MICU1: variants seen among roughly 807,000 people sequenced by gnomAD.
MICU1 encodes the protein mitochondrial calcium uptake 1, also known as calcium uptake protein 1, mitochondrial.
A neutral mutation model predicts 56.8 loss-of-function variants in MICU1; 45 were observed. The ratio of observed to expected loss-of-function variants is 0.79; its 90% CI spans 0.62 to 1.02. The LOEUF (loss-of-function observed/expected upper bound fraction) is 1.02. MICU1 is among the 50% of genes least tolerant of loss of function. The pLI, the probability that MICU1 is intolerant of heterozygous loss-of-function variation, is 0.00. For synonymous variants in MICU1, 186 were observed against 195.1 expected (o/e 0.95, Z 0.39); for missense variants, 504 against 587.1 (o/e 0.86, Z 1.46).
At chr10:72,610,295 T>C (rs1334592011) in intron 1 of MICU1, among the ~76,000 whole-genome samples, 1 of 151,664 alleles carries the variant, frequency 6.6e-6, no homozygotes, top group African/African-American at 2.4e-5. Context: ...GTAAATTTTA[T>C]GTTATATATA....
At chr10:72,431,498 A>G (rs949307208) in intron 8 of MICU1, among the ~76,000 whole-genome samples, 4 of 152,164 alleles carry the variant, frequency 2.6e-5, no homozygotes, top group Non-Finnish European at 5.9e-5. Context: ...TTTTGCTATT[A>G]GGAACAATGC....
At chr10:72,433,090 A>G (rs1864596061) in intron 8 of MICU1, among the ~76,000 whole-genome samples, 1 of 151,878 alleles carries the variant, frequency 6.6e-6, no homozygotes, top group South Asian at 2.1e-4. Context: ...GGTCTGCACC[A>G]CCATGCCCAG....
intron 1 of MICU1, among the ~76,000 whole-genome samples, chr10:72,608,307 A>T (rs1841747856): frequency 6.6e-6 from 1 of 152,204 alleles, no homozygotes; most frequent in East Asian, 1.9e-4. Context: ...CCTAGCCTCA[A>T]GTGATCCACC....
chr10:72,442,566 G>A (rs185671215), intron 8 of MICU1, among the ~76,000 whole-genome samples: 3 of 152,256 alleles, frequency 2.0e-5, no homozygotes, highest in South Asian at 2.1e-4. Context: ...TCTAAAAGAC[G>A]ACTTGTTTTA....
At chr10:72,602,519 G>C (rs1315220426) in intron 1 of MICU1, among the ~76,000 whole-genome samples, 1 of 151,950 alleles carries the variant, frequency 6.6e-6, no homozygotes, top group Non-Finnish European at 1.5e-5. Context: ...TTTATGATTT[G>C]CTAATCATGT....
intron 10 of MICU1, among the ~76,000 whole-genome samples, chr10:72,382,387 C>G (rs946612437): frequency 2.0e-5 from 3 of 151,482 alleles, no homozygotes; most frequent in Admixed American, 6.6e-5. Context: ...GCTGGGATTA[C>G]AGGCATGAGC....
intron 10 of MICU1, among the ~76,000 whole-genome samples, chr10:72,377,881 A>C (rs967910840): frequency 6.6e-6 from 1 of 152,064 alleles, no homozygotes; most frequent in Non-Finnish European, 1.5e-5. Flanking sequence ...TTGATCTTTC[A>C]CTTTGCCTCT....
At chr10:72,477,005 TA>T (rs1448811904) in intron 7 of MICU1, among the ~76,000 whole-genome samples, 168 bp downstream of exon 7, 1 of 152,068 alleles carries the variant, frequency 6.6e-6, no homozygotes, top group African/African-American at 2.4e-5. Flanking sequence ...AACAAACAAA[TA>T]AAACCAACCC....
intron 11 of MICU1, among the ~76,000 whole-genome samples, chr10:72,373,685 G>C (rs1233471384): frequency 1.3e-5 from 2 of 152,140 alleles, no homozygotes; most frequent in African/African-American, 4.8e-5. Flanking sequence ...GAAAAGGGGG[G>C]ACTTGAGAAG....
At chr10:72,611,347 C>T (rs1841843559) in intron 1 of MICU1, among the ~76,000 whole-genome samples, 1 of 151,300 alleles carries the variant, frequency 6.6e-6, no homozygotes, top group Non-Finnish European at 1.5e-5. Context: ...AGCAGTTGCT[C>T]ACATCTGTAA....
At chr10:72,413,588 C>G (rs780776540) in intron 9 of MICU1, among the ~76,000 whole-genome samples, 5 of 151,972 alleles carry the variant, frequency 3.3e-5, no homozygotes, top group Admixed American at 6.6e-5. Context: ...CAAAAATTAG[C>G]CAGGCTGTGG....
chr10:72,479,064 G>C (rs1224753873), intron 6 of MICU1, among the ~76,000 whole-genome samples: 4 of 152,186 alleles, frequency 2.6e-5, no homozygotes, highest in Non-Finnish European at 5.9e-5. Flanking sequence ...CATTGAGCTA[G>C]ATAATTGGAG....
chr10:72,415,092 T>C (rs1409755279), intron 9 of MICU1, among the ~76,000 whole-genome samples: 1 of 150,244 alleles, frequency 6.7e-6, no homozygotes, highest in Non-Finnish European at 1.5e-5. Context: ...CTTGGCTCAC[T>C]GCAACCTTCG....
At chr10:72,574,881 A>G (rs1043512331) in intron 1 of MICU1, among the ~76,000 whole-genome samples, 1 of 152,186 alleles carries the variant, frequency 6.6e-6, no homozygotes, top group Non-Finnish European at 1.5e-5. Flanking sequence ...TGGAGATGCC[A>G]TTACTGGGCA....
chr10:72,532,817 C>T (rs11000344), intron 5 of MICU1: 658,205 of 982,246 alleles, frequency 0.67, 223,947 homozygotes, highest in African/African-American at 0.72. Context: ...GAGATCTCTC[C>T]CAAATCTTAA....
intron 1 of MICU1, among the ~76,000 whole-genome samples, chr10:72,605,122 G>A (rs1011000619): frequency 6.6e-6 from 1 of 152,142 alleles, no homozygotes; most frequent in Non-Finnish European, 1.5e-5. Context: ...GTGCAGTAAA[G>A]AAGCCAGCCA....
chr10:72,612,276 T>C (rs1158342029), intron 1 of MICU1, among the ~76,000 whole-genome samples: 2 of 104,898 alleles, frequency 1.9e-5, no homozygotes, highest in African/African-American at 7.0e-5. Context: ...CCATCTGTTT[T>C]CTTAACCAAA....
chr10:72,548,569 G>C (rs1839952644), intron 4 of MICU1, among the ~76,000 whole-genome samples: 2 of 152,230 alleles, frequency 1.3e-5, no homozygotes. Context: ...GGAAGTAAGA[G>C]AGGTTATAGA....
intron 6 of MICU1, among the ~76,000 whole-genome samples, chr10:72,494,604 A>C (rs1258362428): frequency 2.0e-5 from 3 of 151,972 alleles, no homozygotes; most frequent in Admixed American, 2.0e-4. Flanking sequence ...GATCTACTTA[A>C]TGGCAATCGG....
Sources: allele counts gnomAD v4.1 joint callset (sites outside exome capture counted in the v4.1 genomes callset), GRCh38; gene constraint gnomAD v4.1.1; transcripts MANE v1.5; gene names NCBI Gene and HGNC (gene_info 2026-07-23, HGNC 2026-07-21).